The following GRIK2 variants were observed in gnomAD, a reference collection of about 807,000 sequenced individuals.
The protein encoded by GRIK2 is glutamate ionotropic receptor kainate type subunit 2.
Under a neutral mutation model 100.3 loss-of-function variants are expected in GRIK2, and 32 were observed. The ratio of observed to expected loss-of-function variants is 0.32; its 90% CI spans 0.24 to 0.43. GRIK2 has a LOEUF of 0.43. Among genes scored for constraint, GRIK2 ranks in the 20% least tolerant of loss-of-function variants. The pLI is 1.00. For synonymous variants in GRIK2, 417 were observed against 389.4 expected, an observed-to-expected ratio of 1.07 and a Z score of -0.83; for missense variants, 843 against 1,114.9, an observed-to-expected ratio of 0.76 and a Z score of 3.47.
chr6:101,494,256 G>A (rs898268767), intron 2 of GRIK2, among the ~76,000 whole-genome samples: 1 of 150,962 alleles, frequency 6.6e-6, no homozygotes, highest in Non-Finnish European at 1.5e-5. Flanking sequence ...TTCAATAAAC[G>A]TGAACTTTGA....
At position 101,626,655 on chromosome 6, in the gene GRIK2, C is replaced by A. The variant is rs758216122; in HGVS notation, c.541+18C>A. ...CAGCACTGGTAAGAAAAATCAGTAT[C>A]TTTTGGAGCTATGCTTTAAATATAG... On this transcript the variant is annotated intron_variant, in intron 4 of 16. Transcript: ENST00000369134. 57 of 1,604,914 alleles carry A rather than the reference C, an allele frequency of 3.6e-5. No individual in the cohort carries two copies. The highest frequency in any genetic ancestry group is 1.3e-4 in the Admixed American group (8 of 59,618).
chr6:101,786,982 T>C (rs1018916831), intron 7 of GRIK2, among the ~76,000 whole-genome samples: 3 of 152,130 alleles, frequency 2.0e-5, no homozygotes, highest in Non-Finnish European at 2.9e-5. Flanking sequence ...TTATTATTGA[T>C]TCAATTTTGT....
chr6:101,608,079 G>A (rs1406894778), intron 2 of GRIK2, among the ~76,000 whole-genome samples: 1 of 151,640 alleles, frequency 6.6e-6, no homozygotes, highest in Non-Finnish European at 1.5e-5. Flanking sequence ...TTAGTACTTG[G>A]TTATACAAAT....
intron 10 of GRIK2, among the ~76,000 whole-genome samples, chr6:101,837,899 A>G (rs1196091932): frequency 1.3e-5 from 2 of 152,126 alleles, no homozygotes; most frequent in African/African-American, 4.8e-5. Context: ...TTCAAAAATG[A>G]TAGGTAAAGT....
At position 101,438,660 on chromosome 6, in the gene GRIK2, C is replaced by T. The variant is rs528202260; in HGVS notation, c.115+39268C>T. Among the ~76,000 whole-genome samples, 156 of 152,134 alleles carry T rather than the reference C, an allele frequency of 1.0e-3. 1 individual carries two copies. The highest frequency in any genetic ancestry group is 3.4e-3 in the African/African-American group (141 of 41,524). ...AGTCCATATTTGTGATTAATAAATGCGTGAAATCATTACTTTCCAGTAAAT... is the reference window on the plus strand; with the variant it reads ...AGTCCATATTTGTGATTAATAAATGTGTGAAATCATTACTTTCCAGTAAAT... On this transcript the variant is annotated intron_variant, in intron 2 of 16. Coordinates refer to ENST00000369134, the MANE Select transcript of GRIK2 (RefSeq NM_021956.5).
At chr6:101,907,015 C>T (rs1400153884) in intron 12 of GRIK2, among the ~76,000 whole-genome samples, 1 of 151,624 alleles carries the variant, frequency 6.6e-6, no homozygotes, top group African/African-American at 2.4e-5. Context: ...CTAACAGTTT[C>T]TCAGAGATTT....
At chr6:102,014,450 G>A (rs554929365) in intron 14 of GRIK2, among the ~76,000 whole-genome samples, 53 of 151,844 alleles carry the variant, frequency 3.5e-4, no homozygotes, top group African/African-American at 1.3e-3. Flanking sequence ...TTCAGTGCAG[G>A]TCTGATTTCG....
At chr6:102,061,383 A>G (rs1298086968) in intron 16 of GRIK2, among the ~76,000 whole-genome samples, 2 of 150,526 alleles carry the variant, frequency 1.3e-5, no homozygotes, top group African/African-American at 2.4e-5. Flanking sequence ...TCAAGGGTGA[A>G]GTTGTTTTCC....
intron 2 of GRIK2, among the ~76,000 whole-genome samples, chr6:101,447,191 T>C (rs569508802): frequency 8.6e-5 from 13 of 151,592 alleles, no homozygotes; most frequent in African/African-American, 3.1e-4. Flanking sequence ...CCAAGAATCT[T>C]AGAAGCAGAA....
chr6:101,397,301 C>A (rs1775049252), intron 1 of GRIK2, among the ~76,000 whole-genome samples: 2 of 152,010 alleles, frequency 1.3e-5, no homozygotes, highest in African/African-American at 4.8e-5. Context: ...AGAAAATGAA[C>A]AAACAGAATG....
intron 2 of GRIK2, among the ~76,000 whole-genome samples, chr6:101,589,329 A>G (rs1479003557): frequency 6.6e-6 from 1 of 152,114 alleles, no homozygotes; most frequent in African/African-American, 2.4e-5. Context: ...ACCCTCTTTT[A>G]GAATATTTTT....
At chr6:101,889,618 T>TG (rs1397516102) in intron 11 of GRIK2, 22 bp from the exon 12 acceptor site, 9 of 1,058,806 alleles carry the variant, frequency 8.5e-6, no homozygotes, top group East Asian at 2.6e-5. Flanking sequence ...TTTTTTTTTT[T>TG]TTTGTTTGTT....
intron 2 of GRIK2, among the ~76,000 whole-genome samples, chr6:101,611,201 C>T (rs1247243543): frequency 6.6e-6 from 1 of 151,792 alleles, no homozygotes; most frequent in Non-Finnish European, 1.5e-5. Context: ...TAAGAAAGCA[C>T]ATTTACATGC....
intron 14 of GRIK2, among the ~76,000 whole-genome samples, chr6:101,933,096 G>A (rs1369442436): frequency 6.6e-6 from 1 of 151,946 alleles, no homozygotes. Context: ...ACAAGGTATT[G>A]CCTTGACTTT....
At chr6:101,753,249 C>G (rs1486640874) in intron 7 of GRIK2, among the ~76,000 whole-genome samples, 1 of 146,988 alleles carries the variant, frequency 6.8e-6, no homozygotes, top group Non-Finnish European at 1.5e-5. Context: ...TGCCACTGCA[C>G]TCCAGCCTGG....
At chr6:101,414,519 T>C (rs771538391) in intron 2 of GRIK2, among the ~76,000 whole-genome samples, 27 of 152,254 alleles carry the variant, frequency 1.8e-4, no homozygotes, top group African/African-American at 5.3e-4. Flanking sequence ...AAACAAAAGG[T>C]AGTTGTTCAC....
chr6:101,620,224 A>C (rs930982006), intron 2 of GRIK2: 4 of 906,772 alleles, frequency 4.4e-6, no homozygotes, highest in Non-Finnish European at 4.0e-6. Context: ...AGTAAAGAAG[A>C]ATACCACTGT....
chr6:101,938,943 G>C (rs1417170), intron 14 of GRIK2, among the ~76,000 whole-genome samples: 49,651 of 151,726 alleles, frequency 0.33, 9,903 homozygotes, highest in East Asian at 0.58. Flanking sequence ...AGTGAGTTCA[G>C]TGAAAAGATT....
At chr6:101,751,137 CTA>C (rs1776761631) in intron 7 of GRIK2, among the ~76,000 whole-genome samples, 1 of 152,086 alleles carries the variant, frequency 6.6e-6, no homozygotes. Flanking sequence ...GGGGGTCCCA[CTA>C]TGTTATCCAG....
Sources: allele counts gnomAD v4.1 joint callset (sites outside exome capture counted in the v4.1 genomes callset), GRCh38; gene constraint gnomAD v4.1.1; transcripts MANE v1.5; gene names NCBI Gene and HGNC (gene_info 2026-07-23, HGNC 2026-07-21).